EPB41L3: variants seen among roughly 807,000 people sequenced by gnomAD.
EPB41L3 encodes band 4.1-like protein 3.
In EPB41L3, 57 loss-of-function variants were observed where a neutral mutation model predicts 127.1. The observed-to-expected ratio is 0.45, with a 90% CI of 0.36 to 0.56. The LOEUF (loss-of-function observed/expected upper bound fraction) is 0.56. Among genes scored for constraint, EPB41L3 ranks in the 20% least tolerant of loss-of-function variants. The pLI is 0.00. For missense variants in EPB41L3, 1,273 were observed against 1,372.2 expected, an observed-to-expected ratio of 0.93 and a Z score of 1.14; for synonymous variants, 572 against 549.5, an observed-to-expected ratio of 1.04 and a Z score of -0.57.
chr18:5,544,325 C>G, upstream of EPB41L3: 11 of 985,416 alleles, frequency 1.1e-5, no homozygotes, highest in Non-Finnish European at 1.3e-5. Context: ...ACCCCTCTCC[C>G]CTCCCAGACA....
At chr18:5,544,193 T>C, upstream of EPB41L3, 1 of 985,522 alleles carries the variant, frequency 1.0e-6, no homozygotes, top group Non-Finnish European at 1.2e-6. Context: ...GACAGTTACA[T>C]GGGCACAGCC....
intron 3 of EPB41L3, among the ~76,000 whole-genome samples, chr18:5,579,884 C>T (rs541887847): frequency 3.9e-5 from 6 of 152,266 alleles, no homozygotes; most frequent in East Asian, 1.9e-4. Context: ...TTAGAGATGA[C>T]GGTGAAGATG....
At chr18:5,441,489 G>A (rs976337574) in intron 5 of EPB41L3, among the ~76,000 whole-genome samples, 3 of 139,624 alleles carry the variant, frequency 2.1e-5, no homozygotes, top group East Asian at 4.1e-4. Context: ...TTTTTGACAC[G>A]GAGTTTCGCT....
upstream of EPB41L3, among the ~76,000 whole-genome samples, chr18:5,630,115 C>G (rs2094976308): frequency 6.6e-6 from 1 of 152,162 alleles, no homozygotes; most frequent in South Asian, 2.1e-4. Flanking sequence ...TCCCGGTCAG[C>G]TTAAACCGGG....
chr18:5,589,056 GTT>G (rs1403392988), intron 3 of EPB41L3, among the ~76,000 whole-genome samples: 9 of 152,190 alleles, frequency 5.9e-5, no homozygotes, highest in African/African-American at 1.9e-4. Flanking sequence ...GGCACACTAT[GTT>G]CCCACAAATA....
chr18:5,510,562 G>T (rs2092460222), intron 1 of EPB41L3, among the ~76,000 whole-genome samples: 1 of 152,194 alleles, frequency 6.6e-6, no homozygotes, highest in African/African-American at 2.4e-5. Flanking sequence ...AAGGTCAGTG[G>T]GGTATGTATG....
At chr18:5,592,852 T>C (rs545866788) in intron 3 of EPB41L3, among the ~76,000 whole-genome samples, 1 of 152,358 alleles carries the variant, frequency 6.6e-6, no homozygotes, top group East Asian at 1.9e-4. Flanking sequence ...CTGTGTTATA[T>C]CTTGCTTTAT....
Position 5,489,321 on chromosome 18 carries a change from C to T in EPB41L3, c.-11-127G>A, listed in dbSNP as rs548077033. 91 of 1,087,250 alleles carry T rather than the reference C, an allele frequency of 8.4e-5. No homozygotes were observed. In the African/African-American group the frequency reaches 1.4e-3, roughly 16 times the overall value. The allele number at this position is 1,087,250 out of a possible 1,614,324, so 67.4% of individuals were successfully genotyped here. A position where few individuals can be genotyped will look rare whatever the true frequency, so the allele number is the denominator to read the frequency against. ...AGAGGGAGATGCTACCAAACCCCAT[C>T]CTATTCCACACACTGGACAGATGAC... On this transcript the variant is annotated intron_variant, in intron 1 of 22. Coordinates refer to ENST00000341928, the MANE Select transcript of EPB41L3 (RefSeq NM_012307.5).
intron 11 of EPB41L3, among the ~76,000 whole-genome samples, chr18:5,422,075 A>G (rs890344799): frequency 2.0e-5 from 3 of 152,210 alleles, no homozygotes; most frequent in Admixed American, 6.5e-5. Context: ...GCTTTTCACA[A>G]CAGCCCCGTC....
At chr18:5,452,057 G>A (rs1018931129) in intron 3 of EPB41L3, among the ~76,000 whole-genome samples, 3 of 151,950 alleles carry the variant, frequency 2.0e-5, no homozygotes, top group South Asian at 4.2e-4. Flanking sequence ...TAGAGACATG[G>A]TCACTCGAAC....
chr18:5,466,889 G>A (rs2085092983), intron 3 of EPB41L3, among the ~76,000 whole-genome samples: 1 of 152,142 alleles, frequency 6.6e-6, no homozygotes, highest in African/African-American at 2.4e-5. Flanking sequence ...TCCACAAAAA[G>A]GAAGGCATGA....
At position 5,462,925 on chromosome 18, in the gene EPB41L3, C is replaced by G. The variant is rs529708240; in HGVS notation, c.381+15316G>C. Among the ~76,000 whole-genome samples the G allele has an allele frequency of 3.1e-3, 465 of 152,314 alleles. 2 individuals carry two copies. The highest frequency in any genetic ancestry group is 5.2e-3 in the Admixed American group (79 of 15,298). On this transcript the variant is annotated intron_variant, in intron 3 of 22. Transcript: ENST00000341928. ...CTAAGTTAAATTCACTGTCTTCCCC[C>G]ATAAACTTTTTCTCTTGTATTCTAC...
In EPB41L3 at chr18:5,396,288, T is replaced by C; in HGVS notation, c.2886A>G (p.Ser962=). ...KTETISFGSV[S]PGGVKLEIST... is the part of the protein sequence containing the mutation. The stretch of plus-strand genomic sequence containing the variant: ...AAATTTCTAGCTTTACTCCTCCCGG[T>C]GAAACACTGCCAAAACTGATGGTTT... The change falls in exon 19 of 23, where the codon TCA becomes TCG. Residue 962 remains serine (S), a synonymous_variant. Transcript: ENST00000341928. The C allele has an allele frequency of 6.2e-7, 1 of 1,614,214 alleles. No individual in the cohort carries two copies. Among genetic ancestry groups the C allele is most frequent in the South Asian group, 1.1e-5 (1 of 91,086 alleles).
intron 5 of EPB41L3, among the ~76,000 whole-genome samples, chr18:5,441,769 T>A (rs1377754931): frequency 6.6e-6 from 1 of 152,210 alleles, no homozygotes; most frequent in African/African-American, 2.4e-5. Context: ...CGGCCTCGAA[T>A]TCCATTTTTA....
At chr18:5,613,666 A>G (rs2094757124) in intron 2 of EPB41L3, among the ~76,000 whole-genome samples, 1 of 152,202 alleles carries the variant, frequency 6.6e-6, no homozygotes, top group Non-Finnish European at 1.5e-5. Context: ...CCATAAGCTT[A>G]GAGTAGAAAT....
At chr18:5,550,958 T>G (rs1489358751) in intron 3 of EPB41L3, among the ~76,000 whole-genome samples, 1 of 152,220 alleles carries the variant, frequency 6.6e-6, no homozygotes, top group Non-Finnish European at 1.5e-5. Context: ...CTCCCACGTC[T>G]TCTCAGATCC....
intron 3 of EPB41L3, among the ~76,000 whole-genome samples, chr18:5,603,293 G>A (rs1295845340): frequency 6.6e-6 from 1 of 152,150 alleles, no homozygotes; most frequent in Non-Finnish European, 1.5e-5. Flanking sequence ...TGGACTGGGT[G>A]GAAATGAGCT....
chr18:5,497,046 A>T (rs764188296), intron 1 of EPB41L3, among the ~76,000 whole-genome samples: 7 of 152,232 alleles, frequency 4.6e-5, no homozygotes, highest in Non-Finnish European at 1.0e-4. Flanking sequence ...TTGAAATATC[A>T]AGAAGAATCT....
At chr18:5,447,593 G>T (rs1568218464) in intron 3 of EPB41L3, among the ~76,000 whole-genome samples, 1 of 151,890 alleles carries the variant, frequency 6.6e-6, no homozygotes, top group Non-Finnish European at 1.5e-5. Flanking sequence ...GGCTTCACTG[G>T]ACCCTATGCC....
Sources: gnomAD v4.1 joint callset for allele counts (sites outside exome capture counted in the v4.1 genomes callset) on GRCh38, gnomAD v4.1.1 for gene constraint, MANE v1.5 for transcripts, NCBI Gene and HGNC (gene_info 2026-07-23, HGNC 2026-07-21) for gene names.